COLEC12: variants seen among roughly 807,000 people sequenced by gnomAD.
COLEC12 encodes collectin subfamily member 12.
A neutral mutation model predicts 71.1 loss-of-function variants in COLEC12; 33 were observed. That is an observed-to-expected ratio of 0.46 (90% CI 0.35 to 0.62). The LOEUF (loss-of-function observed/expected upper bound fraction) is 0.62, where lower values mean the gene tolerates loss of function less well. COLEC12 is among the 20% of genes least tolerant of loss of function. The pLI is 0.00. For missense variants in COLEC12, 765 were observed against 916.1 expected (o/e 0.84, Z 2.13); for synonymous variants, 350 against 353.0 (o/e 0.99, Z 0.10).
intron 5 of COLEC12, among the ~76,000 whole-genome samples, chr18:344,574 A>G (rs1490028831): frequency 6.6e-6 from 1 of 152,202 alleles, no homozygotes; most frequent in East Asian, 1.9e-4. Flanking sequence ...TGGTCTTGGC[A>G]TACTGAACAG....
chr18:335,802 CCTT>C (rs993097623), intron 5 of COLEC12, among the ~76,000 whole-genome samples: 16 of 152,178 alleles, frequency 1.1e-4, no homozygotes, highest in African/African-American at 3.9e-4. Context: ...GTAAGCTCAC[CCTT>C]CTTCTTCAAG....
intron 2 of COLEC12, among the ~76,000 whole-genome samples, chr18:476,559 T>A (rs1312927657): frequency 6.6e-6 from 1 of 152,032 alleles, no homozygotes; most frequent in African/African-American, 2.4e-5. Context: ...TTGCGACCAA[T>A]CAATGAAACA....
chr18:390,783 T>C (rs1227230435), intron 2 of COLEC12, among the ~76,000 whole-genome samples: 3 of 151,894 alleles, frequency 2.0e-5, no homozygotes, highest in African/African-American at 2.4e-5. Context: ...AGAAAAATGA[T>C]AGCAGAGGCA....
intron 6 of COLEC12, 80 bp from the exon 7 acceptor site, chr18:333,223 C>A: frequency 7.9e-7 from 1 of 1,262,190 alleles, no homozygotes; most frequent in Non-Finnish European, 1.1e-6. Context: ...TTTCAGAGGC[C>A]AAAACTGTGG....
At chr18:401,352 C>T (rs758189529) in intron 2 of COLEC12, among the ~76,000 whole-genome samples, 40 of 152,156 alleles carry the variant, frequency 2.6e-4, no homozygotes, top group Non-Finnish European at 3.5e-4. Context: ...TAAATAATTC[C>T]TCTGTAAAAT....
Position 387,839 on chromosome 18 carries a change from C to T in COLEC12, c.59-30317G>A, listed in dbSNP as rs575027801. Among the ~76,000 whole-genome samples the T allele has an allele frequency of 2.6e-5, 4 of 152,270 alleles. No homozygotes were observed. In the South Asian group the frequency reaches 6.2e-4, roughly 24 times the overall value. On this transcript the variant is annotated intron_variant, in intron 2 of 9. Coordinates refer to ENST00000400256, the MANE Select transcript of COLEC12 (RefSeq NM_130386.3). Reference sequence around the variant, plus strand: ...TTGTGGGGCTTATCAGAATATTTTTCCTTATGTACGACAAAACTGGGACCA... The same window carrying T: ...TTGTGGGGCTTATCAGAATATTTTTTCTTATGTACGACAAAACTGGGACCA...
intron 2 of COLEC12, among the ~76,000 whole-genome samples, chr18:457,348 A>AC (rs1916893269): frequency 6.6e-6 from 1 of 152,172 alleles, no homozygotes; most frequent in African/African-American, 2.4e-5. Context: ...CATAACAAAG[A>AC]CAGGAAACAG....
Position 342,923 on chromosome 18 carries a change from A to C in COLEC12, c.1327+3372T>G, listed in dbSNP as rs532383994. 6.6e-5 allele frequency among the ~76,000 whole-genome samples: 10 copies of C among 152,296 alleles called. No homozygotes were observed. The South Asian group carries it at 1.9e-3, about 28-fold the overall frequency. Reference sequence around the variant, plus strand: ...TGAGTCGGAAACCTCATTCTATTATAATAGACATCATCCTGTTAACGTGTC... The same window carrying C: ...TGAGTCGGAAACCTCATTCTATTATCATAGACATCATCCTGTTAACGTGTC... On this transcript the variant is annotated intron_variant, in intron 5 of 9. Transcript: ENST00000400256.
intron 6 of COLEC12, 100 bp from the exon 7 acceptor site, chr18:333,243 G>A: frequency 2.0e-6 from 2 of 976,010 alleles, no homozygotes; most frequent in South Asian, 1.6e-5. Flanking sequence ...GTCCCGCTGG[G>A]AGCAGCCTGA....
At chr18:357,146 A>C (rs932203762) in intron 3 of COLEC12, among the ~76,000 whole-genome samples, 13 of 152,210 alleles carry the variant, frequency 8.5e-5, no homozygotes, top group African/African-American at 2.9e-4. Flanking sequence ...AAAAGCAACA[A>C]GGGAAAAAAA....
At chr18:320,981 C>T (rs556416920) in intron 9 of COLEC12, among the ~76,000 whole-genome samples, 7 of 152,328 alleles carry the variant, frequency 4.6e-5, no homozygotes, top group South Asian at 4.1e-4. Flanking sequence ...AATAGATACA[C>T]GTGGAATTGA....
In COLEC12 at chr18:318,369, A is replaced by G. The variant is rs1463266357; in HGVS notation, c.*1676T>C. The G allele has an allele frequency of 6.6e-6, 1 of 152,056 alleles. No homozygotes were observed. The highest frequency in any genetic ancestry group is 1.5e-5 in the Non-Finnish European group (1 of 68,044). The allele number at this position is 152,056 out of a possible 1,614,324, so 9.4% of individuals were successfully genotyped here. ...GGGAGAAGGAATCTGTTGGATGGAAATCTTACCTTTGAGCATCAGTTATAT... is the reference window on the plus strand; with the variant it reads ...GGGAGAAGGAATCTGTTGGATGGAAGTCTTACCTTTGAGCATCAGTTATAT... On this transcript the variant is annotated 3_prime_UTR_variant, in exon 10 of 10. Coordinates refer to ENST00000400256, the MANE Select transcript of COLEC12 (RefSeq NM_130386.3).
Position 408,002 on chromosome 18 carries a change from TAATA to T in COLEC12, c.59-50484_59-50481del. On this transcript the variant is annotated intron_variant, in intron 2 of 9. Coordinates refer to ENST00000400256, the MANE Select transcript of COLEC12 (RefSeq NM_130386.3). This position sits in a 1 kb window ranked among gnomAD's most constrained non-coding sequence, Gnocchi z 4.3. The stretch of plus-strand genomic sequence containing the variant: ...GCAAAACCCTGGGCTAGAAGGAATA[TAATA>T]AATGGCTGGATGAATGATGAATATG... 6.6e-6 allele frequency among the ~76,000 whole-genome samples: 1 copy of T among 152,352 alleles called. No homozygotes were observed. The highest frequency in any genetic ancestry group is 2.1e-4 in the South Asian group (1 of 4,830).
intron 2 of COLEC12, among the ~76,000 whole-genome samples, chr18:405,879 A>G (rs957002477): frequency 1.3e-5 from 2 of 152,012 alleles, no homozygotes; most frequent in Non-Finnish European, 2.9e-5. Context: ...TTCCCTCTTG[A>G]AAAGGGCTGG....
rs139503424 is a variant in COLEC12 at position 334,752 on chromosome 18, C to A, written c.1806G>T (p.Pro602=). The change falls in exon 6 of 10, where the codon CCG becomes CCT. Residue 602 remains proline, a synonymous_variant. Transcript: ENST00000400256. ...LALQNEPTPA[P]EDNGCPPHWK... The stretch of plus-strand genomic sequence containing the variant: ...AGGGCTTGGACTTACCATTGTCCTC[C>A]GGTGCTGGGGTTGGCTCATTCTGCA... The A allele has an allele frequency of 1.2e-5, 17 of 1,469,538 alleles. No individual in the cohort carries two copies. Among genetic ancestry groups the A allele is most frequent in the Non-Finnish European group, 1.3e-5 (15 of 1,115,506 alleles). 91.0% of individuals were successfully genotyped at this position (1,469,538 alleles called of 1,614,324 possible). A position where few individuals can be genotyped will look rare whatever the true frequency, so the allele number is the denominator to read the frequency against.
intron 1 of COLEC12, among the ~76,000 whole-genome samples, chr18:492,581 G>C (rs1327077146): frequency 1.3e-5 from 2 of 152,076 alleles, no homozygotes; most frequent in Non-Finnish European, 2.9e-5. Flanking sequence ...GTTAATAAGA[G>C]AGTCAGAATG....
chr18:412,305 G>A (rs994360023), intron 2 of COLEC12, among the ~76,000 whole-genome samples: 2 of 152,156 alleles, frequency 1.3e-5, no homozygotes, highest in Non-Finnish European at 2.9e-5. Flanking sequence ...GAAGGAAGAG[G>A]TGAGAGAGTT....
intron 5 of COLEC12, among the ~76,000 whole-genome samples, chr18:343,033 T>C (rs993702987): frequency 3.3e-5 from 5 of 152,156 alleles, no homozygotes; most frequent in Admixed American, 3.3e-4. Context: ...AAACATCCTG[T>C]TCCTCTCTTT....
intron 2 of COLEC12, among the ~76,000 whole-genome samples, chr18:365,643 T>A (rs972854615): frequency 2.0e-5 from 3 of 152,170 alleles, no homozygotes; most frequent in African/African-American, 7.2e-5. Flanking sequence ...GGAGGGTTTA[T>A]CAGATGGCGA....
Sources: allele counts gnomAD v4.1 joint callset (sites outside exome capture counted in the v4.1 genomes callset), GRCh38; gene constraint gnomAD v4.1.1; non-coding constraint Gnocchi (gnomAD v3.1); transcripts MANE v1.5; gene names NCBI Gene and HGNC (gene_info 2026-07-23, HGNC 2026-07-21).